Variants in TSR1 observed in about 807,000 individuals in gnomAD.
TSR1 encodes pre-rRNA-processing protein TSR1 homolog.
In TSR1, 81 loss-of-function variants were observed where a neutral mutation model predicts 90.9. The ratio of observed to expected loss-of-function variants is 0.89; its 90% CI spans 0.74 to 1.07. The LOEUF is 1.07. Among genes scored for constraint, TSR1 ranks in the 50% least tolerant of loss-of-function variants. TSR1 has a pLI of 0.00. For synonymous variants in TSR1, 362 were observed against 348.8 expected (o/e 1.04, Z -0.42); for missense variants, 989 against 987.3 (o/e 1.00, Z -0.02).
chr17:2,326,417 G>A lies in TSR1; in HGVS notation c.1904-997C>T, dbSNP rs140527594. Among the ~76,000 whole-genome samples, 21 of 151,876 alleles carry A rather than the reference G, an allele frequency of 1.4e-4. No homozygotes were observed. The East Asian group carries it at 2.9e-3, about 21-fold the overall frequency. On this transcript the variant is annotated intron_variant, in intron 11 of 14. Transcript: ENST00000301364. ...GACAATCATTTCTGCTGCAAGTCCC[G>A]TCCAGTAGTCTCTCAGTATCTCAGG...
In TSR1 at chr17:2,323,958, C is replaced by A; in HGVS notation, c.*238G>T. The A allele has an allele frequency of 7.6e-7, 1 of 1,307,496 alleles. No individual in the cohort carries two copies. The highest frequency in any genetic ancestry group is 1.4e-5 in the South Asian group (1 of 73,912). 81.0% of individuals were successfully genotyped at this position (1,307,496 alleles called of 1,614,324 possible). The stretch of plus-strand genomic sequence containing the variant: ...CCTAGTATTGTCAACTCTTAGTTAT[C>A]AGATTCTTAATGGAGAGTGGCTATT... On this transcript the variant is annotated 3_prime_UTR_variant, in exon 15 of 15. Coordinates refer to ENST00000301364, the MANE Select transcript of TSR1 (RefSeq NM_018128.5).
intron 5 of TSR1, 29 bp from the exon 6 acceptor site, chr17:2,333,745 C>T: frequency 6.2e-7 from 1 of 1,612,788 alleles, no homozygotes; most frequent in Non-Finnish European, 8.5e-7. Flanking sequence ...TGATAGTCAA[C>T]CATGAACCAA....
Position 2,322,935 on chromosome 17 carries a change from TC to T in TSR1, c.*1260del. On this transcript the variant is annotated 3_prime_UTR_variant, in exon 15 of 15. Transcript: ENST00000301364. The stretch of plus-strand genomic sequence containing the variant: ...GTCTGCCACCACGCCTGGCTGATTT[TC>T]CTATTTTTAGTTGACACTGCATTTC... The T allele has an allele frequency of 1.8e-6, 1 of 554,130 alleles. No individual in the cohort carries two copies. Among genetic ancestry groups the T allele is most frequent in the South Asian group, 2.0e-5 (1 of 49,062 alleles). 34.3% of individuals were successfully genotyped at this position (554,130 alleles called of 1,614,324 possible).
At chr17:2,328,919 C>CA (rs56003468) in intron 11 of TSR1, 1,129 of 92,300 alleles carry the variant, frequency 0.012, 18 homozygotes, top group South Asian at 0.023. Flanking sequence ...GACTCCGTCT[C>CA]AAAAAAAAAA....
At chr17:2,335,425 G>A (rs1340660419) in intron 3 of TSR1, 31 bp from the exon 4 acceptor site, 1 of 1,602,050 alleles carries the variant, frequency 6.2e-7, no homozygotes, top group Non-Finnish European at 8.5e-7. Flanking sequence ...AAGAAGAGGT[G>A]GTTGGCACCA....
intron 6 of TSR1, 63 bp from the exon 7 acceptor site, chr17:2,333,187 C>T: frequency 6.3e-7 from 1 of 1,575,364 alleles, no homozygotes; most frequent in African/African-American, 1.3e-5. Context: ...TCTGGTTATT[C>T]TCACCTAGGC....
intron 5 of TSR1, 41 bp downstream of exon 5, chr17:2,334,431 C>A: frequency 6.3e-7 from 1 of 1,582,828 alleles, no homozygotes; most frequent in Non-Finnish European, 8.6e-7. Context: ...CCTTCCTGTG[C>A]CAACTTTCAT....
At position 2,323,085 on chromosome 17, in the gene TSR1, C is replaced by T; in HGVS notation, c.*1111G>A. The T allele has an allele frequency of 6.4e-7, 1 of 1,568,452 alleles. No individual in the cohort carries two copies. Among genetic ancestry groups the T allele is most frequent in the Non-Finnish European group, 8.8e-7 (1 of 1,139,332 alleles). The stretch of plus-strand genomic sequence containing the variant: ...AGGCCCATATTTTCTTTTAGACATG[C>T]AGGCAATGTTGTGGTTTGTTGTTAA... On this transcript the variant is annotated 3_prime_UTR_variant, in exon 15 of 15. Transcript: ENST00000301364.
chr17:2,329,148 G>A (rs1317758075), intron 11 of TSR1, 195 bp downstream of exon 11: 2 of 887,656 alleles, frequency 2.3e-6, no homozygotes, highest in Non-Finnish European at 3.7e-6. Context: ...TCACACAGAA[G>A]TTGCATCACT....
intron 10 of TSR1, 138 bp from the exon 11 acceptor site, chr17:2,329,613 G>A: frequency 1.9e-6 from 2 of 1,047,908 alleles, no homozygotes; most frequent in Non-Finnish European, 2.7e-6. Context: ...GAGTGTAGAT[G>A]CTGAAACACG....
rs138718040 is a variant in TSR1, at chr17:2,333,637, G to A, written c.1061C>T (p.Ser354Phe). The change falls in exon 6 of 15, where the codon TCC becomes TTC. Residue 354 changes from serine to phenylalanine, a missense_variant. Ser to Phe is a radical substitution (Grantham distance 155). Transcript: ENST00000301364. ...LMKADPGRQE[S>F]LQAEVIPDPM... Reference sequence around the variant, plus strand: ...ATCTGGGATAACCTCTGCTTGCAAGGATTCCTGTCTACCAGGGTCTGCCTT... The same window carrying A: ...ATCTGGGATAACCTCTGCTTGCAAGAATTCCTGTCTACCAGGGTCTGCCTT... The A allele has an allele frequency of 3.6e-4, 585 of 1,614,082 alleles. 4 individuals carry two copies. The Middle Eastern group carries it at 0.015, about 41-fold the overall frequency.
Position 2,333,708 on chromosome 17 carries a change from A to T in TSR1, c.990T>A (p.Ala330=). 6.2e-7 allele frequency: 1 copy of T among 1,614,096 alleles called. No individual in the cohort carries two copies. Among genetic ancestry groups the T allele is most frequent in the Non-Finnish European group, 8.5e-7 (1 of 1,179,990 alleles). ...KDPDMAMEIC[A]TDAVDDMEEG... ...CTTCCATATCATCTACAGCATCCGT[A>T]GCACAAATCTGAAAACCAAAAGCAG... is the stretch of plus-strand genomic sequence containing the variant. The change falls in exon 6 of 15, where the codon GCT becomes GCA. Residue 330 remains alanine, a synonymous_variant. Coordinates refer to ENST00000301364, the MANE Select transcript of TSR1 (RefSeq NM_018128.5).
rs1283043361 is a variant in TSR1, at chr17:2,323,133, C to T, written c.*1063G>A. The T allele has an allele frequency of 7.4e-6, 12 of 1,613,968 alleles. No homozygotes were observed. The highest frequency in any genetic ancestry group is 9.3e-6 in the Non-Finnish European group (11 of 1,179,968). On this transcript the variant is annotated 3_prime_UTR_variant, in exon 15 of 15. Coordinates refer to ENST00000301364, the MANE Select transcript of TSR1 (RefSeq NM_018128.5). Reference sequence around the variant, plus strand: ...TAAGATGTCTTAATATTCCTCTTCCCAGGCTCTGAAACCTAGTGTGAAGGT... The same window carrying T: ...TAAGATGTCTTAATATTCCTCTTCCTAGGCTCTGAAACCTAGTGTGAAGGT...
chr17:2,331,467 C>T (rs1323552595), intron 8 of TSR1, among the ~76,000 whole-genome samples: 1 of 152,062 alleles, frequency 6.6e-6, no homozygotes, highest in East Asian at 1.9e-4. Flanking sequence ...TTAGCACCAC[C>T]CTCCTTGTTG....
intron 6 of TSR1, 124 bp downstream of exon 6, chr17:2,333,433 G>T: frequency 8.7e-7 from 1 of 1,150,762 alleles, no homozygotes; most frequent in Non-Finnish European, 1.3e-6. Flanking sequence ...GCATTTGAGG[G>T]TGAGGAGAGA....
intron 6 of TSR1, 102 bp downstream of exon 6, chr17:2,333,455 A>G: frequency 7.3e-7 from 1 of 1,364,876 alleles, no homozygotes; most frequent in Non-Finnish European, 1.0e-6. Context: ...TTTCAACTAT[A>G]CCCCCACCCC....
At position 2,336,109 on chromosome 17, in the gene TSR1, C is replaced by T. The variant is rs573232832; in HGVS notation, c.129G>A (p.Lys43=). Residue 43 remains lysine, a synonymous_variant, in exon 2 of 15, where the codon AAG becomes AAA. Transcript: ENST00000301364. ...CGACTCTGCTGAGTTCTTTTCTCAC[C>T]TTCTTGCTTAGGGTTTTCAGTGCCA... ...GRLALKTLSK[K]VRKELSRVDQ... 7.4e-6 allele frequency: 12 copies of T among 1,614,170 alleles called. No homozygotes were observed. In the African/African-American group the frequency reaches 1.2e-4, roughly 16 times the overall value.
In TSR1 at chr17:2,333,071, T is replaced by C; in HGVS notation, c.1195A>G (p.Ser399Gly). 1.2e-6 allele frequency: 2 copies of C among 1,614,204 alleles called. No homozygotes were observed. The highest frequency in any genetic ancestry group is 2.2e-5 in the South Asian group (2 of 91,080). The change falls in exon 7 of 15, where the codon AGT becomes GGT. Residue 399 changes from serine (S) to glycine (G), a missense_variant. Coordinates refer to ENST00000301364, the MANE Select transcript of TSR1 (RefSeq NM_018128.5). ...VVKKVPKGTS[S>G]YQAEWILDGG... is the part of the protein sequence containing the mutation. ...TCCAAAATCCATTCAGCTTGGTAACTGGATGTTCCTTTGGGGACCTTCTTT... is the reference window on the plus strand; with the variant it reads ...TCCAAAATCCATTCAGCTTGGTAACCGGATGTTCCTTTGGGGACCTTCTTT...
chr17:2,327,300 C>T (rs776743567), intron 11 of TSR1, among the ~76,000 whole-genome samples: 13 of 151,324 alleles, frequency 8.6e-5, no homozygotes, highest in Admixed American at 2.0e-4. Context: ...ACCTATGGTC[C>T]GAGCTACTTG....
Sources: gnomAD v4.1 joint callset for allele counts (sites outside exome capture counted in the v4.1 genomes callset) on GRCh38, gnomAD v4.1.1 for gene constraint, MANE v1.5 for transcripts, NCBI Gene and HGNC (gene_info 2026-07-23, HGNC 2026-07-21) for gene names.